NLN: variants seen among roughly 807,000 people sequenced by gnomAD.
NLN encodes the protein neurolysin, mitochondrial.
A neutral mutation model predicts 79.9 loss-of-function variants in NLN; 64 were observed. That is an observed-to-expected ratio of 0.80 (90% CI 0.65 to 0.99). The LOEUF (loss-of-function observed/expected upper bound fraction) is 0.99, where lower values mean the gene tolerates loss of function less well. Ranked by LOEUF, NLN falls within the 50% of genes least tolerant of loss-of-function variation. The pLI, the probability that NLN is intolerant of heterozygous loss-of-function variation, is 0.00. For missense variants in NLN, 835 were observed against 858.7 expected (o/e 0.97, Z 0.34); for synonymous variants, 267 against 296.6 (o/e 0.90, Z 1.02).
intron 1 of NLN, among the ~76,000 whole-genome samples, chr5:65,753,497 A>G (rs72766101): frequency 0.039 from 5,866 of 152,196 alleles, 144 homozygotes; most frequent in African/African-American, 0.064. Flanking sequence ...AAAAATACAG[A>G]AAACTAGTCA....
chr5:65,723,930 A>G (rs1033689515), intron 1 of NLN, among the ~76,000 whole-genome samples: 2 of 150,994 alleles, frequency 1.3e-5, no homozygotes, highest in African/African-American at 4.9e-5. Flanking sequence ...ATATCTGTCT[A>G]TATTTACCAT....
chr5:65,773,251 C>T (rs1162698981), intron 3 of NLN, among the ~76,000 whole-genome samples: 2 of 151,754 alleles, frequency 1.3e-5, no homozygotes, highest in South Asian at 2.1e-4. Context: ...CCCACCTCAG[C>T]CTCCCAGGTA....
intron 9 of NLN, among the ~76,000 whole-genome samples, chr5:65,801,538 A>G (rs545699219): frequency 4.6e-5 from 7 of 152,320 alleles, no homozygotes; most frequent in African/African-American, 1.7e-4. Context: ...TTTGAAAAAT[A>G]TTTAAATGAT....
chr5:65,778,643 T>C (rs1314189942), intron 4 of NLN, among the ~76,000 whole-genome samples: 2 of 152,218 alleles, frequency 1.3e-5, no homozygotes, highest in Non-Finnish European at 2.9e-5. Context: ...TTTGCTTGTA[T>C]AACTAGAAGG....
rs768812334 is a variant in NLN, at chr5:65,809,661, T to A, written c.1674T>A (p.Asp558Glu). 7 of 1,611,656 alleles carry A rather than the reference T, an allele frequency of 4.3e-6. No homozygotes were observed. The highest frequency in any genetic ancestry group is 3.4e-5 in the Admixed American group (2 of 59,324). ...HYKDGSPIAD[D>E]LLEKLVASRL... ...AAGATGGAAGCCCTATTGCAGACGA[T>A]CTGCTTGAAAAACTTGTTGCTTCTA... The change falls in exon 10 of 13, where the codon GAT becomes GAA. Residue 558 changes from aspartate (D) to glutamate (E), a missense_variant. Coordinates refer to ENST00000380985, the MANE Select transcript of NLN (RefSeq NM_020726.5).
rs1481447529 is a variant in NLN at position 65,725,331 on chromosome 5, C to T, written c.41+2917C>T. Among the ~76,000 whole-genome samples the T allele has an allele frequency of 3.9e-5, 6 of 152,068 alleles. No homozygotes were observed. The South Asian group carries it at 6.2e-4, about 16-fold the overall frequency. On this transcript the variant is annotated intron_variant, in intron 1 of 12. Transcript: ENST00000380985. Reference sequence around the variant, plus strand: ...GATATCACATCAAAGTTTGACAAATCGTAGCTTTTTAAAGGTTAGTTACAA... The same window carrying T: ...GATATCACATCAAAGTTTGACAAATTGTAGCTTTTTAAAGGTTAGTTACAA...
chr5:65,732,983 G>A, intron 1 of NLN: 1 of 693,832 alleles, frequency 1.4e-6, no homozygotes, highest in East Asian at 2.6e-5. Flanking sequence ...CACCTGTGTG[G>A]TAGTAAGGTG....
chr5:65,747,113 CA>C (rs1267430454), intron 1 of NLN, among the ~76,000 whole-genome samples: 1 of 151,846 alleles, frequency 6.6e-6, no homozygotes, highest in African/African-American at 2.4e-5. Context: ...TGGCTTTAGG[CA>C]AGTCAGATTT....
chr5:65,756,279 C>T (rs1469887678), intron 1 of NLN, among the ~76,000 whole-genome samples: 2 of 152,112 alleles, frequency 1.3e-5, no homozygotes, highest in South Asian at 4.1e-4. Context: ...TGTTCTGTAG[C>T]CACTTCAAAC....
intron 12 of NLN, among the ~76,000 whole-genome samples, chr5:65,814,644 C>T (rs1283139222): frequency 6.6e-6 from 1 of 152,056 alleles, no homozygotes. Flanking sequence ...GACCACATAC[C>T]CAGTACCTTC....
At chr5:65,736,441 A>G (rs988595962) in intron 1 of NLN, among the ~76,000 whole-genome samples, 1 of 152,248 alleles carries the variant, frequency 6.6e-6, no homozygotes, top group Non-Finnish European at 1.5e-5. Flanking sequence ...GAGAACAATT[A>G]CTAGGTTGTA....
At chr5:65,738,175 G>A (rs979153370) in intron 1 of NLN, among the ~76,000 whole-genome samples, 2 of 150,828 alleles carry the variant, frequency 1.3e-5, no homozygotes, top group African/African-American at 4.9e-5. Flanking sequence ...CCTAGTAAGA[G>A]TGATAAGGCA....
chr5:65,746,865 G>A (rs949536003), intron 1 of NLN, among the ~76,000 whole-genome samples: 9 of 152,184 alleles, frequency 5.9e-5, no homozygotes, highest in East Asian at 1.9e-4. Context: ...TTAGCCGGGC[G>A]TGGTGGTGGG....
intron 9 of NLN, among the ~76,000 whole-genome samples, chr5:65,801,044 A>G (rs1454547666): frequency 6.6e-6 from 1 of 152,116 alleles, no homozygotes; most frequent in Non-Finnish European, 1.5e-5. Context: ...CTAACCAAAC[A>G]GGAATCTAAG....
intron 1 of NLN, among the ~76,000 whole-genome samples, chr5:65,724,910 C>T (rs1268433183): frequency 6.6e-6 from 1 of 151,542 alleles, no homozygotes; most frequent in Non-Finnish European, 1.5e-5. Context: ...CACGCCATTC[C>T]CCTGCCTCAG....
intron 9 of NLN, among the ~76,000 whole-genome samples, chr5:65,797,274 T>A (rs1760192030): frequency 4.6e-5 from 7 of 152,220 alleles, no homozygotes. Flanking sequence ...TGTAAAGATG[T>A]CGTTATTCTA....
chr5:65,814,645 C>T (rs1445311829), intron 12 of NLN, among the ~76,000 whole-genome samples: 1 of 152,194 alleles, frequency 6.6e-6, no homozygotes, highest in African/African-American at 2.4e-5. Flanking sequence ...ACCACATACC[C>T]AGTACCTTCT....
At chr5:65,746,610 G>A (rs1162723881) in intron 1 of NLN, among the ~76,000 whole-genome samples, 1 of 152,168 alleles carries the variant, frequency 6.6e-6, no homozygotes, top group Admixed American at 6.5e-5. Flanking sequence ...GTCTAGTGGG[G>A]GACCCAGGAT....
chr5:65,810,131 C>T lies in NLN; in HGVS notation c.1809C>T (p.Tyr603=). 1 of 1,613,834 alleles carries T rather than the reference C, an allele frequency of 6.2e-7. No individual in the cohort carries two copies. The highest frequency in any genetic ancestry group is 1.1e-5 in the South Asian group (1 of 91,080). ...SLDAASEYAK[Y]CSEILGVAAT... ...ATGCTGCAAGTGAATATGCCAAATACTGCTCAGAAATATTAGGAGTTGCAG... is the reference window on the plus strand; with the variant it reads ...ATGCTGCAAGTGAATATGCCAAATATTGCTCAGAAATATTAGGAGTTGCAG... Residue 603 remains tyrosine, a synonymous_variant, in exon 11 of 13, where the codon TAC becomes TAT. Transcript: ENST00000380985.
Sources: gnomAD v4.1 joint callset for allele counts (sites outside exome capture counted in the v4.1 genomes callset) on GRCh38, gnomAD v4.1.1 for gene constraint, MANE v1.5 for transcripts, NCBI Gene and HGNC (gene_info 2026-07-23, HGNC 2026-07-21) for gene names.